PCDHGB6: variants seen among roughly 807,000 people sequenced by gnomAD.
PCDHGB6 encodes protocadherin gamma-B6.
Under a neutral mutation model 59.1 loss-of-function variants are expected in PCDHGB6, and 51 were observed. The observed-to-expected ratio is 0.86, with a 90% CI of 0.69 to 1.09. The LOEUF is 1.09. Among genes scored for constraint, PCDHGB6 ranks in the 50% least tolerant of loss-of-function variants. PCDHGB6 has a pLI of 0.00. For synonymous variants in PCDHGB6, 466 were observed against 495.1 expected, an observed-to-expected ratio of 0.94 and a Z score of 0.78; for missense variants, 1,148 against 1,205.1, an observed-to-expected ratio of 0.95 and a Z score of 0.70.
At chr5:141,500,182 A>ATTT (rs1199992745) in intron 2 of PCDHGB6, among the ~76,000 whole-genome samples, 1 of 131,622 alleles carries the variant, frequency 7.6e-6, no homozygotes, top group African/African-American at 3.1e-5. Context: ...CTTCATTTTT[A>ATTT]TTTTTATTTA....
chr5:141,431,450 A>T lies in PCDHGB6; in HGVS notation c.2418+20830A>T, dbSNP rs1468567743. 1 of 1,613,740 alleles carries T rather than the reference A, an allele frequency of 6.2e-7. No homozygotes were observed. Among genetic ancestry groups the T allele is most frequent in the Admixed American group, 1.7e-5 (1 of 60,032 alleles). ...CACAGGCACCGCGCGCATCCGCGTG[A>T]TGGTTCTGGATGCGAACGACAACGC... On this transcript the variant is annotated intron_variant, in intron 1 of 3. Transcript: ENST00000520790. This position sits in a 1 kb window ranked among gnomAD's most constrained non-coding sequence, Gnocchi z 4.8.
chr5:141,483,121 T>C (rs922863446), intron 1 of PCDHGB6, among the ~76,000 whole-genome samples: 1 of 152,052 alleles, frequency 6.6e-6, no homozygotes, highest in Admixed American at 6.6e-5. Flanking sequence ...ACAGTCTTTG[T>C]AGGAGATGAG....
At chr5:141,456,788 C>A (rs2098888156) in intron 1 of PCDHGB6, among the ~76,000 whole-genome samples, 1 of 152,088 alleles carries the variant, frequency 6.6e-6, no homozygotes, top group Admixed American at 6.5e-5. Flanking sequence ...CATGGCAAAA[C>A]CCCATCTCTA....
Position 141,476,264 on chromosome 5 carries a change from G to C in PCDHGB6, c.2419-18543G>C, listed in dbSNP as rs753184649. The C allele has an allele frequency of 6.2e-7, 1 of 1,614,082 alleles. No individual in the cohort carries two copies. Among genetic ancestry groups the C allele is most frequent in the Non-Finnish European group, 8.5e-7 (1 of 1,180,010 alleles). On this transcript the variant is annotated intron_variant, in intron 1 of 3. Transcript: ENST00000520790. This position sits in a 1 kb window ranked among gnomAD's most constrained non-coding sequence, Gnocchi z 7.6. ...AGAGAAGGGTTTCGCTGTGGGCAAC[G>C]TGGTCGCGAACCTTGGTTTGGATCT...
At chr5:141,419,803 T>C (rs2096436352) in intron 1 of PCDHGB6, 3 of 1,614,026 alleles carry the variant, frequency 1.9e-6, no homozygotes, top group Non-Finnish European at 2.5e-6. Context: ...CTGTAAGAGA[T>C]GGAGGACAGC....
Position 141,477,098 on chromosome 5 carries a change from G to A in PCDHGB6, c.2419-17709G>A, listed in dbSNP as rs1562059777. 1.9e-6 allele frequency: 3 copies of A among 1,614,124 alleles called. No individual in the cohort carries two copies. The highest frequency in any genetic ancestry group is 3.3e-5 in the Admixed American group (2 of 60,008). The stretch of plus-strand genomic sequence containing the variant: ...GATTTACATCCAGGCCAAAGACAAG[G>A]GCGCCAATCCCGAAGGAGCACATTG... On this transcript the variant is annotated intron_variant, in intron 1 of 3. Coordinates refer to ENST00000520790, the MANE Select transcript of PCDHGB6 (RefSeq NM_018926.3). This position sits in a 1 kb window ranked among gnomAD's most constrained non-coding sequence, Gnocchi z 4.9.
intron 1 of PCDHGB6, among the ~76,000 whole-genome samples, chr5:141,449,891 A>G (rs2098658520): frequency 6.6e-6 from 1 of 151,872 alleles, no homozygotes; most frequent in Non-Finnish European, 1.5e-5. Flanking sequence ...CAATATAATT[A>G]TTTAGCCTAT....
chr5:141,446,408 C>A (rs1211716327), intron 1 of PCDHGB6, among the ~76,000 whole-genome samples: 1 of 151,898 alleles, frequency 6.6e-6, no homozygotes, highest in African/African-American at 2.4e-5. Flanking sequence ...GAGTTGAGTT[C>A]CAGCCATGTT....
chr5:141,476,564 C>G lies in PCDHGB6; in HGVS notation c.2419-18243C>G, dbSNP rs2099393821. 1.2e-6 allele frequency: 2 copies of G among 1,614,196 alleles called. No individual in the cohort carries two copies. Among genetic ancestry groups the G allele is most frequent in the South Asian group, 1.1e-5 (1 of 91,086 alleles). ...ATTGGAGATTAGCGAGGCCGTGGCT[C>G]CGGGGACGCGCTTTCCGCTCGAGAG... On this transcript the variant is annotated intron_variant, in intron 1 of 3. Coordinates refer to ENST00000520790, the MANE Select transcript of PCDHGB6 (RefSeq NM_018926.3). This position sits in a 1 kb window ranked among gnomAD's most constrained non-coding sequence, Gnocchi z 7.6.
At chr5:141,427,088 T>C in intron 1 of PCDHGB6, 1 of 458,156 alleles carries the variant, frequency 2.2e-6, no homozygotes. Flanking sequence ...CTGACCAGGA[T>C]GAGGGTGTCA....
rs144585584 is a variant in PCDHGB6 at position 141,478,339 on chromosome 5, C to T, written c.2419-16468C>T. 998 of 1,613,918 alleles carry T rather than the reference C, an allele frequency of 6.2e-4. 16 individuals carry two copies. In the East Asian group the frequency reaches 0.019, roughly 31 times the overall value. Reference sequence around the variant, plus strand: ...CACTGTACCGAACACCAGGGCCCTCCTTGCACGCGGACGCCGTGCGGGGAG... The same window carrying T: ...CACTGTACCGAACACCAGGGCCCTCTTTGCACGCGGACGCCGTGCGGGGAG... On this transcript the variant is annotated intron_variant, in intron 1 of 3. Transcript: ENST00000520790.
intron 1 of PCDHGB6, chr5:141,427,497 G>C (rs775492626): frequency 1.6e-5 from 9 of 568,020 alleles, no homozygotes; most frequent in African/African-American, 3.7e-5. Flanking sequence ...GCTTGTAACA[G>C]ATGGGACCCT....
intron 1 of PCDHGB6, among the ~76,000 whole-genome samples, chr5:141,444,150 GGA>G (rs1471930589): frequency 1.6e-4 from 18 of 114,012 alleles, no homozygotes; most frequent in Non-Finnish European, 2.3e-4. Context: ...TGTGTGTACT[GGA>G]TTTTTTTTTT....
At chr5:141,421,303 G>A (rs1456288695) in intron 1 of PCDHGB6, 1 of 1,613,660 alleles carries the variant, frequency 6.2e-7, no homozygotes, top group Non-Finnish European at 8.5e-7. Flanking sequence ...GACGCTGCGG[G>A]GGTTCCGGGC....
chr5:141,478,927 C>T (rs2154577116), intron 1 of PCDHGB6: 2 of 690,162 alleles, frequency 2.9e-6, no homozygotes, highest in East Asian at 6.0e-5. Flanking sequence ...TAACCAGTGG[C>T]AGCTTCTAGG....
Position 141,486,142 on chromosome 5 carries a change from C to T in PCDHGB6, c.2419-8665C>T. 6.2e-7 allele frequency: 1 copy of T among 1,614,200 alleles called. No homozygotes were observed. The highest frequency in any genetic ancestry group is 1.3e-5 in the African/African-American group (1 of 75,052). ...ACTATGAATTTGATGTGCGGGCTCG[C>T]GATGGGGGTTCTCCAGCCATGGAGC... On this transcript the variant is annotated intron_variant, in intron 1 of 3. Coordinates refer to ENST00000520790, the MANE Select transcript of PCDHGB6 (RefSeq NM_018926.3). This position sits in a 1 kb window ranked among gnomAD's most constrained non-coding sequence, Gnocchi z 5.0.
At chr5:141,455,282 A>C (rs1307886349) in intron 1 of PCDHGB6, among the ~76,000 whole-genome samples, 1 of 152,056 alleles carries the variant, frequency 6.6e-6, no homozygotes, top group Non-Finnish European at 1.5e-5. Flanking sequence ...TATTAACATC[A>C]CTTTACATAG....
At position 141,491,825 on chromosome 5, in the gene PCDHGB6, C is replaced by A. The variant is rs948385010; in HGVS notation, c.2419-2982C>A. ...CGGCTTGGTCGCTGGCTGCGCTCCA[C>A]CCGATTCTCGGGATCATTGGACCGT... On this transcript the variant is annotated intron_variant, in intron 1 of 3. Coordinates refer to ENST00000520790, the MANE Select transcript of PCDHGB6 (RefSeq NM_018926.3). This position sits in a 1 kb window ranked among gnomAD's most constrained non-coding sequence, Gnocchi z 6.9. 145 of 1,478,052 alleles carry A rather than the reference C, an allele frequency of 9.8e-5. No homozygotes were observed. Among genetic ancestry groups the A allele is most frequent in the Non-Finnish European group, 1.3e-4 (142 of 1,114,822 alleles). 91.6% of individuals were successfully genotyped at this position (1,478,052 alleles called of 1,614,324 possible). A position where few individuals can be genotyped will look rare whatever the true frequency, so the allele number is the denominator to read the frequency against.
At chr5:141,421,025 A>C (rs1047305594) in intron 1 of PCDHGB6, 4 of 526,168 alleles carry the variant, frequency 7.6e-6, no homozygotes, top group African/African-American at 5.9e-5. Context: ...GCTGCGCGCC[A>C]TTGAGTCCCT....
Sources: allele counts gnomAD v4.1 joint callset (sites outside exome capture counted in the v4.1 genomes callset), GRCh38; gene constraint gnomAD v4.1.1; non-coding constraint Gnocchi (gnomAD v3.1); transcripts MANE v1.5; gene names NCBI Gene and HGNC (gene_info 2026-07-23, HGNC 2026-07-21).